The following ZFHX4 variants were observed in gnomAD, a reference collection of about 807,000 sequenced individuals.
ZFHX4 encodes zinc finger homeobox 4, also known as zinc finger homeobox protein 4.
In ZFHX4, 56 loss-of-function variants were observed where a neutral mutation model predicts 267.6. The observed-to-expected ratio is 0.21, with a 90% CI of 0.17 to 0.26. ZFHX4 has a LOEUF of 0.26. Ranked by LOEUF, ZFHX4 falls within the 10% of genes least tolerant of loss-of-function variation. ZFHX4 has a pLI of 1.00. For synonymous variants in ZFHX4, 1,778 were observed against 1,665.6 expected, an observed-to-expected ratio of 1.07 and a Z score of -1.64; for missense variants, 4,332 against 4,420.0, an observed-to-expected ratio of 0.98 and a Z score of 0.56.
At chr8:76,837,153 A>C (rs1344863596) in intron 5 of ZFHX4, among the ~76,000 whole-genome samples, 1 of 152,140 alleles carries the variant, frequency 6.6e-6, no homozygotes, top group Non-Finnish European at 1.5e-5. Context: ...GGTAATGTAG[A>C]TAGAGAAAGG....
Position 76,705,175 on chromosome 8 carries a change from T to G in ZFHX4, c.1087T>G (p.Leu363Val). ...AGGACCCGATCCAACCTTCCGCGGT[T>G]TATGGAGCGCTTTTCATGTTGAAAA... is the stretch of plus-strand genomic sequence containing the variant. The part of the protein sequence containing the change: ...LIGPDPTFRG[L>V]WSAFHVENGD... Residue 363 changes from leucine (L) to valine (V), a missense_variant, in exon 2 of 11, where the codon TTA (leucine) becomes GTA (valine). Leu to Val is a conservative substitution (Grantham distance 32). Coordinates refer to ENST00000651372, the MANE Select transcript of ZFHX4 (RefSeq NM_024721.5). 1.2e-6 allele frequency: 2 copies of G among 1,613,914 alleles called. No individual in the cohort carries two copies. Among genetic ancestry groups the G allele is most frequent in the Non-Finnish European group, 8.5e-7 (1 of 1,179,898 alleles).
In ZFHX4 at chr8:76,863,157, T is replaced by C. The variant is rs890250387; in HGVS notation, c.9443T>C (p.Leu3148Pro). The change falls in exon 11 of 11, where the codon CTG becomes CCG. Residue 3148 changes from leucine to proline, a missense_variant. Around this residue, in one of 7 missense-constraint regions of ZFHX4, gnomAD observed 1,648 missense variants for 1,625.0 expected, o/e 1.01. Transcript: ENST00000651372. ...FPTSATSSPALSLSSAPTKPL... is the reference protein window; with the variant it reads ...FPTSATSSPAPSLSSAPTKPL... ...ACTTCAGCTACTTCGTCTCCTGCCC[T>C]GTCTCTCAGCAGTGCCCCCACCAAA... 2 of 1,551,268 alleles carry C rather than the reference T, an allele frequency of 1.3e-6. No homozygotes were observed. Among genetic ancestry groups the C allele is most frequent in the Non-Finnish European group, 1.7e-6 (2 of 1,147,124 alleles).
At chr8:76,859,998 T>G (rs1812826044) in intron 10 of ZFHX4, among the ~76,000 whole-genome samples, 1 of 152,100 alleles carries the variant, frequency 6.6e-6, no homozygotes, top group South Asian at 2.1e-4. Flanking sequence ...TTCTGAGAAC[T>G]GCAGTAGGAG....
chr8:76,839,438 G>A (rs544814405), intron 5 of ZFHX4, among the ~76,000 whole-genome samples: 1 of 152,192 alleles, frequency 6.6e-6, no homozygotes, highest in South Asian at 2.1e-4. Context: ...TCATTTGTCT[G>A]AAAATTGGGA....
chr8:76,750,605 T>C (rs1468398984), intron 3 of ZFHX4, among the ~76,000 whole-genome samples: 2 of 152,150 alleles, frequency 1.3e-5, no homozygotes, highest in Non-Finnish European at 2.9e-5. Flanking sequence ...CCAAACTGCG[T>C]CTTTGTGATA....
chr8:76,784,639 G>A (rs1225190401), intron 4 of ZFHX4, among the ~76,000 whole-genome samples: 1 of 151,936 alleles, frequency 6.6e-6, no homozygotes, highest in East Asian at 1.9e-4. Flanking sequence ...ACACTGCAGG[G>A]TTACCTTTAG....
intron 1 of ZFHX4, among the ~76,000 whole-genome samples, chr8:76,701,108 A>G (rs1808091486): frequency 1.3e-5 from 2 of 152,174 alleles, no homozygotes; most frequent in South Asian, 4.1e-4. Context: ...GTGTCACTGT[A>G]TATAAGGATC....
chr8:76,781,691 TA>T (rs1212193480), intron 4 of ZFHX4, among the ~76,000 whole-genome samples: 1 of 152,086 alleles, frequency 6.6e-6, no homozygotes, highest in African/African-American at 2.4e-5. Context: ...TAGTGATATT[TA>T]AATGTAGGAC....
chr8:76,858,400 A>T (rs1812785350), intron 10 of ZFHX4, among the ~76,000 whole-genome samples: 1 of 152,220 alleles, frequency 6.6e-6, no homozygotes, highest in Admixed American at 6.5e-5. Flanking sequence ...CAAATCTGTT[A>T]TATCTGCTGC....
At chr8:76,792,563 A>G (rs1351571274) in intron 4 of ZFHX4, among the ~76,000 whole-genome samples, 2 of 152,218 alleles carry the variant, frequency 1.3e-5, no homozygotes, top group Non-Finnish European at 2.9e-5. Context: ...ACCACTGGAC[A>G]AGATCATATG....
Position 76,852,566 on chromosome 8 carries a change from G to A in ZFHX4, c.5645G>A (p.Gly1882Asp). Residue 1882 changes from glycine (G) to aspartate (D), a missense_variant, in exon 10 of 11, where the codon GGC (glycine) becomes GAC (aspartate). This residue lies in a region of ZFHX4 where 1,371 missense variants were observed against 1,423.1 expected (regional missense o/e 0.96). Coordinates refer to ENST00000651372, the MANE Select transcript of ZFHX4 (RefSeq NM_024721.5). The part of the protein sequence containing the change: ...FISEGEGLKE[G>D]KDTKKQKSLE... Reference sequence around the variant, plus strand: ...AGTGAAGGTGAAGGACTCAAAGAAGGCAAAGACACAAAGAAGCAAAAATCC... The same window carrying A: ...AGTGAAGGTGAAGGACTCAAAGAAGACAAAGACACAAAGAAGCAAAAATCC... The A allele has an allele frequency of 6.2e-7, 1 of 1,611,246 alleles. No homozygotes were observed. The highest frequency in any genetic ancestry group is 8.5e-7 in the Non-Finnish European group (1 of 1,178,554).
intron 6 of ZFHX4, among the ~76,000 whole-genome samples, chr8:76,846,991 A>G (rs1812381006): frequency 6.6e-6 from 1 of 152,170 alleles, no homozygotes; most frequent in African/African-American, 2.4e-5. Context: ...GATATGACAG[A>G]GTATTATTCT....
intron 3 of ZFHX4, among the ~76,000 whole-genome samples, chr8:76,744,746 T>G (rs973702702): frequency 6.6e-6 from 1 of 152,176 alleles, no homozygotes; most frequent in African/African-American, 2.4e-5. Flanking sequence ...ATTTCTTGCA[T>G]TAAAAAAATT....
At chr8:76,766,098 G>A (rs1810044544) in intron 3 of ZFHX4, among the ~76,000 whole-genome samples, 1 of 151,358 alleles carries the variant, frequency 6.6e-6, no homozygotes, top group Non-Finnish European at 1.5e-5. Context: ...ATAAATAGGG[G>A]AACTTTGAAA....
At chr8:76,846,362 A>T (rs1812364073) in intron 6 of ZFHX4, among the ~76,000 whole-genome samples, 1 of 151,964 alleles carries the variant, frequency 6.6e-6, no homozygotes. Context: ...TCTAGCTTTT[A>T]TTTATAACTT....
intron 3 of ZFHX4, among the ~76,000 whole-genome samples, chr8:76,751,848 C>G (rs1809622298): frequency 2.0e-5 from 3 of 152,118 alleles, no homozygotes. Context: ...ACTAATTTCA[C>G]CAAGAGTGGT....
chr8:76,842,501 C>G (rs181981071), intron 5 of ZFHX4, among the ~76,000 whole-genome samples, 154 bp from the exon 6 acceptor site: 2 of 152,286 alleles, frequency 1.3e-5, no homozygotes, highest in East Asian at 3.9e-4. Context: ...GCATGATCAG[C>G]ATAGACTTTT....
chr8:76,730,614 G>A (rs980667433), intron 3 of ZFHX4, among the ~76,000 whole-genome samples: 38 of 152,130 alleles, frequency 2.5e-4, no homozygotes, highest in Middle Eastern at 3.4e-3. Flanking sequence ...CATGAGAATC[G>A]ATTGAATCCG....
chr8:76,834,103 T>C (rs1812008753), intron 5 of ZFHX4: 1 of 447,924 alleles, frequency 2.2e-6, no homozygotes, highest in East Asian at 7.0e-5. Flanking sequence ...TATATATCAT[T>C]GTCTTCATAT....
Sources: allele counts gnomAD v4.1 joint callset (sites outside exome capture counted in the v4.1 genomes callset), GRCh38; gene constraint gnomAD v4.1.1; regional missense constraint gnomAD v4.1.1; transcripts MANE v1.5; gene names NCBI Gene and HGNC (gene_info 2026-07-23, HGNC 2026-07-21).